ARHGAP39: variants seen among roughly 807,000 people sequenced by gnomAD.
ARHGAP39 encodes the protein Rho GTPase activating protein 39, also known as rho GTPase-activating protein 39.
Under a neutral mutation model 106.9 loss-of-function variants are expected in ARHGAP39, and 44 were observed. That is an observed-to-expected ratio of 0.41 (90% confidence interval 0.32 to 0.53). The LOEUF (loss-of-function observed/expected upper bound fraction) is 0.53. Among genes scored for constraint, ARHGAP39 ranks in the 20% least tolerant of loss-of-function variants. The probability of loss-of-function intolerance (pLI) is 0.21; values close to 1 mark genes in which losing one functional copy is unlikely to be tolerated. For missense variants in ARHGAP39, 1,496 were observed against 1,577.3 expected (o/e 0.95, Z 0.87); for synonymous variants, 768 against 693.2 (o/e 1.11, Z -1.69).
In ARHGAP39 at chr8:144,529,698, A is replaced by G. The variant is rs1346792499; in HGVS notation, c.*724T>C. 1.3e-5 allele frequency: 2 copies of G among 152,228 alleles called. No individual in the cohort carries two copies. The highest frequency in any genetic ancestry group is 3.9e-4 in the East Asian group (2 of 5,190). The allele number at this position is 152,228 out of a possible 1,614,324, so 9.4% of individuals were successfully genotyped here. A position where few individuals can be genotyped will look rare whatever the true frequency, so the allele number is the denominator to read the frequency against. ...AGTTCTTATATCTTTCCCTCTATTTATATCTCTATACACGGTGGGCTGCGA... is the reference window on the plus strand; with the variant it reads ...AGTTCTTATATCTTTCCCTCTATTTGTATCTCTATACACGGTGGGCTGCGA... On this transcript the variant is annotated 3_prime_UTR_variant, in exon 12 of 12. Coordinates refer to ENST00000377307, the MANE Select transcript of ARHGAP39 (RefSeq NM_025251.3).
At chr8:144,555,671 T>G (rs1362386394) in intron 3 of ARHGAP39, 28 bp from the exon 4 acceptor site, 2 of 1,580,778 alleles carry the variant, frequency 1.3e-6, no homozygotes, top group African/African-American at 2.7e-5. Flanking sequence ...GAAAGAAATA[T>G]GAATATAAGT....
At chr8:144,638,630 C>T (rs1439909711) in intron 1 of ARHGAP39, among the ~76,000 whole-genome samples, 1 of 152,214 alleles carries the variant, frequency 6.6e-6, no homozygotes, top group African/African-American at 2.4e-5. Context: ...TGACATTTAA[C>T]CTATTGATTG....
intron 3 of ARHGAP39, among the ~76,000 whole-genome samples, chr8:144,574,486 C>T (rs1052176299): frequency 7.9e-5 from 12 of 152,064 alleles, no homozygotes; most frequent in South Asian, 2.1e-4. Flanking sequence ...CTGGCTAACA[C>T]GGTGCAACCC....
chr8:144,580,540 C>T (rs1818932596), intron 3 of ARHGAP39, among the ~76,000 whole-genome samples: 1 of 152,184 alleles, frequency 6.6e-6, no homozygotes, highest in East Asian at 1.9e-4. Flanking sequence ...GCTCTGGCCA[C>T]TCGCGGGGAC....
Position 144,548,514 on chromosome 8 carries a change from G to A in ARHGAP39, c.597-25C>T. 1 of 1,598,226 alleles carries A rather than the reference G, an allele frequency of 6.3e-7. No homozygotes were observed. Among genetic ancestry groups the A allele is most frequent in the South Asian group, 1.1e-5 (1 of 89,786 alleles). ...CCTGCGTGGGGGGTGGACGGGCACA[G>A]GTGACTGCCTGCCTGCTGCTTCTGG... On this transcript the variant is annotated intron_variant, in intron 4 of 11. Transcript: ENST00000377307. The surrounding 1 kb of genome is among the most constrained non-coding windows in gnomAD (Gnocchi z 7.4).
At chr8:144,569,777 T>A (rs1043820931) in intron 3 of ARHGAP39, among the ~76,000 whole-genome samples, 12 of 152,228 alleles carry the variant, frequency 7.9e-5, no homozygotes, top group Admixed American at 2.6e-4. Flanking sequence ...GTGTGGTTTA[T>A]TGCCTTTCAA....
chr8:144,672,627 C>T (rs1483057084), intron 1 of ARHGAP39, among the ~76,000 whole-genome samples: 4 of 152,154 alleles, frequency 2.6e-5, no homozygotes, highest in Admixed American at 6.5e-5. Flanking sequence ...GCTCTGTGTG[C>T]GCCTAGACCA....
intron 2 of ARHGAP39, among the ~76,000 whole-genome samples, chr8:144,595,707 G>T (rs958617392): frequency 2.6e-5 from 4 of 152,072 alleles, no homozygotes; most frequent in Non-Finnish European, 5.9e-5. Context: ...CAGGGTCCAC[G>T]ATGGCCATGG....
intron 1 of ARHGAP39, among the ~76,000 whole-genome samples, chr8:144,640,956 G>A (rs1343882113): frequency 6.6e-6 from 1 of 152,148 alleles, no homozygotes; most frequent in Non-Finnish European, 1.5e-5. Context: ...TCAGACCCTA[G>A]TACATAGAAA....
At chr8:144,611,593 T>C (rs116785992) in intron 1 of ARHGAP39, among the ~76,000 whole-genome samples, 3,845 of 152,384 alleles carry the variant, frequency 0.025, 167 homozygotes, top group African/African-American at 0.088. Context: ...AGTATCTTTA[T>C]CCTGGTTGTT....
chr8:144,563,059 C>T (rs1290780502), intron 3 of ARHGAP39, among the ~76,000 whole-genome samples: 2 of 152,206 alleles, frequency 1.3e-5, no homozygotes, highest in East Asian at 3.9e-4. Context: ...TGTGAAAATA[C>T]TAATTTTGTA....
At position 144,581,238 on chromosome 8, in the gene ARHGAP39, C is replaced by G. The variant is rs1192741340; in HGVS notation, c.120G>C (p.Glu40Asp). The G allele has an allele frequency of 6.4e-7, 1 of 1,553,634 alleles. No individual in the cohort carries two copies. Among genetic ancestry groups the G allele is most frequent in the East Asian group, 2.4e-5 (1 of 41,526 alleles). The stretch of plus-strand genomic sequence containing the variant: ...CGGTGACCAGGTTGGCGTACATGCG[C>G]TCGCGGGTGCGCGGTTCGATGATCT... The part of the protein sequence containing the change: ...WVEIIEPRTR[E>D]RMYANLVTGE... The change falls in exon 3 of 12, where the codon GAG becomes GAC. Residue 40 changes from glutamate (E) to aspartate (D), a missense_variant. Around this residue, in one of 4 missense-constraint regions of ARHGAP39, gnomAD observed 96 missense variants for 107.9 expected, o/e 0.89. Coordinates refer to ENST00000377307, the MANE Select transcript of ARHGAP39 (RefSeq NM_025251.3).
intron 1 of ARHGAP39, among the ~76,000 whole-genome samples, chr8:144,615,446 A>C (rs1442826929): frequency 6.6e-6 from 1 of 152,048 alleles, no homozygotes; most frequent in Non-Finnish European, 1.5e-5. Flanking sequence ...ATTCTTTTAA[A>C]ATACTCATCA....
Position 144,548,547 on chromosome 8 carries a change from C to G in ARHGAP39, c.597-58G>C, listed in dbSNP as rs1199261679. 2 of 1,562,656 alleles carry G rather than the reference C, an allele frequency of 1.3e-6. No homozygotes were observed. Among genetic ancestry groups the G allele is most frequent in the Non-Finnish European group, 1.7e-6 (2 of 1,158,372 alleles). ...CCTGCCTGCTGCTTCTGGGCACGCC[C>G]CACCCCCTCGGGGGCTGTAGGCAGC... On this transcript the variant is annotated intron_variant, in intron 4 of 11. Coordinates refer to ENST00000377307, the MANE Select transcript of ARHGAP39 (RefSeq NM_025251.3). The surrounding 1 kb of genome is among the most constrained non-coding windows in gnomAD (Gnocchi z 7.4).
At chr8:144,587,728 C>A (rs183003886) in intron 2 of ARHGAP39, among the ~76,000 whole-genome samples, 2 of 150,978 alleles carry the variant, frequency 1.3e-5, no homozygotes, top group Non-Finnish European at 2.9e-5. Context: ...GATCTCGGCT[C>A]GCTGCGACTT....
intron 1 of ARHGAP39, among the ~76,000 whole-genome samples, chr8:144,638,775 A>C (rs987014717): frequency 7.2e-5 from 11 of 152,204 alleles, no homozygotes; most frequent in African/African-American, 2.4e-4. Flanking sequence ...AAACAGGATG[A>C]ATCCTTAGCT....
intron 2 of ARHGAP39, among the ~76,000 whole-genome samples, chr8:144,588,046 G>C (rs1289967198): frequency 6.6e-6 from 1 of 152,228 alleles, no homozygotes; most frequent in African/African-American, 2.4e-5. Context: ...AGGAAAACCA[G>C]CAAGGGTGAT....
intron 4 of ARHGAP39, among the ~76,000 whole-genome samples, chr8:144,550,715 GGCT>G (rs1416056431): frequency 6.6e-6 from 1 of 152,230 alleles, no homozygotes; most frequent in East Asian, 1.9e-4. Flanking sequence ...TTCTGCTCGT[GGCT>G]GCTGGAGACT....
At chr8:144,573,761 GTC>G (rs1250718222) in intron 3 of ARHGAP39, among the ~76,000 whole-genome samples, 21 of 152,146 alleles carry the variant, frequency 1.4e-4, no homozygotes, top group Admixed American at 9.2e-4. Context: ...CACAAAGCAA[GTC>G]TCAAAAAAAT....
Sources: allele counts gnomAD v4.1 joint callset (sites outside exome capture counted in the v4.1 genomes callset), GRCh38; gene constraint gnomAD v4.1.1; regional missense constraint gnomAD v4.1.1; non-coding constraint Gnocchi (gnomAD v3.1); transcripts MANE v1.5; gene names NCBI Gene and HGNC (gene_info 2026-07-23, HGNC 2026-07-21).